Variants in ZNF280D observed in about 807,000 individuals in gnomAD.
The protein encoded by ZNF280D is suppressor of hairy wing homolog 4.
Under a neutral mutation model 94.7 loss-of-function variants are expected in ZNF280D, and 39 were observed. That is an observed-to-expected ratio of 0.41 (90% CI 0.32 to 0.54). The LOEUF (loss-of-function observed/expected upper bound fraction) is 0.54. ZNF280D is among the 20% of genes least tolerant of loss of function. The pLI is 0.22. For synonymous variants in ZNF280D, 398 were observed against 377.6 expected, an observed-to-expected ratio of 1.05 and a Z score of -0.63; for missense variants, 1,090 against 1,149.3, an observed-to-expected ratio of 0.95 and a Z score of 0.75.
chr15:56,716,546 T>C (rs1300617845), intron 1 of ZNF280D, among the ~76,000 whole-genome samples: 1 of 144,280 alleles, frequency 6.9e-6, no homozygotes, highest in Non-Finnish European at 1.5e-5. Context: ...TGGGAAGAGA[T>C]AAGACATAGA....
At chr15:56,733,360 C>A in intron 1 of ZNF280D, 98 bp downstream of exon 1, 2 of 717,810 alleles carry the variant, frequency 2.8e-6, no homozygotes, top group Non-Finnish European at 3.4e-6. Context: ...GGCCTCAAGA[C>A]CCCCAGTCCA....
intron 21 of ZNF280D, among the ~76,000 whole-genome samples, chr15:56,633,476 A>C (rs1448487379): frequency 6.6e-6 from 1 of 152,044 alleles, no homozygotes; most frequent in Non-Finnish European, 1.5e-5. Flanking sequence ...AAATATAAAA[A>C]ATCTAATATC....
chr15:56,656,153 T>G (rs1479315327), intron 17 of ZNF280D, among the ~76,000 whole-genome samples: 1 of 152,224 alleles, frequency 6.6e-6, no homozygotes, highest in East Asian at 1.9e-4. Flanking sequence ...AACTGTACTG[T>G]ACATTCCCTG....
chr15:56,667,980 A>C (rs2054409744), intron 14 of ZNF280D: 1 of 198,594 alleles, frequency 5.0e-6, no homozygotes, highest in African/African-American at 2.4e-5. Context: ...AAAATGAGAG[A>C]GGACTGCACT....
At chr15:56,733,032 G>C (rs1173189636) in intron 1 of ZNF280D, 1 of 152,448 alleles carries the variant, frequency 6.6e-6, no homozygotes, top group African/African-American at 2.4e-5. Context: ...CGACTGAAGA[G>C]ACACGGGGGT....
chr15:56,647,870 A>G lies in ZNF280D; in HGVS notation c.2214-4873T>C, dbSNP rs113834350. ...CTCTTCATATAACTTCAAAATCAACATCCAGAGAATGACTCCTCCATTTTT... is the reference window on the plus strand; with the variant it reads ...CTCTTCATATAACTTCAAAATCAACGTCCAGAGAATGACTCCTCCATTTTT... On this transcript the variant is annotated intron_variant, in intron 19 of 21. Transcript: ENST00000267807. Among the ~76,000 whole-genome samples the G allele has an allele frequency of 1.2e-3, 183 of 152,252 alleles. 5 individuals are homozygous for G. The highest frequency in any genetic ancestry group is 4.3e-3 in the African/African-American group (177 of 41,560).
rs1455299605 is a variant in ZNF280D, at chr15:56,721,184, G to A, written c.-86+12274C>T. ...TCACCATGTTAGCCAGGCTGGTCTC[G>A]AACTCCTGGCTCCTGACATCAAGTG... is the stretch of plus-strand genomic sequence containing the variant. On this transcript the variant is annotated intron_variant, in intron 1 of 21. Transcript: ENST00000267807. Among the ~76,000 whole-genome samples the A allele has an allele frequency of 3.9e-5, 6 of 151,996 alleles. No individual in the cohort carries two copies. In the East Asian group the frequency reaches 9.6e-4, roughly 24 times the overall value.
chr15:56,660,231 TAA>T (rs1327310742), intron 16 of ZNF280D, among the ~76,000 whole-genome samples: 1 of 152,168 alleles, frequency 6.6e-6, no homozygotes, highest in East Asian at 1.9e-4. Flanking sequence ...TGAACCAAAA[TAA>T]GTTATTTTTA....
intron 9 of ZNF280D, among the ~76,000 whole-genome samples, chr15:56,684,891 G>A (rs1362639223): frequency 6.6e-6 from 1 of 151,662 alleles, no homozygotes; most frequent in East Asian, 1.9e-4. Context: ...TGCCAGAGAG[G>A]ACTCACCCAA....
chr15:56,669,565 T>G (rs1222933444), intron 13 of ZNF280D, among the ~76,000 whole-genome samples: 1 of 151,414 alleles, frequency 6.6e-6, no homozygotes, highest in African/African-American at 2.4e-5. Context: ...AACTACATTT[T>G]TAATACTGTT....
At chr15:56,693,038 C>T (rs957701754) in intron 7 of ZNF280D, 60 bp downstream of exon 7, 71 of 966,470 alleles carry the variant, frequency 7.3e-5, no homozygotes, top group Non-Finnish European at 1.0e-4. Flanking sequence ...AAGTCAATCT[C>T]ATATGCATAT....
chr15:56,658,117 T>G, intron 17 of ZNF280D, among the ~76,000 whole-genome samples: 1 of 152,164 alleles, frequency 6.6e-6, no homozygotes, highest in East Asian at 1.9e-4. Flanking sequence ...GTATCATTTT[T>G]TATATGAAAT....
chr15:56,666,034 G>A (rs1053118060), intron 16 of ZNF280D, among the ~76,000 whole-genome samples: 18 of 152,044 alleles, frequency 1.2e-4, no homozygotes, highest in Non-Finnish European at 2.2e-4. Context: ...TACTCAGGAG[G>A]CGAAGGCAGG....
At chr15:56,714,748 G>C (rs1328372705) in intron 1 of ZNF280D, among the ~76,000 whole-genome samples, 3 of 152,156 alleles carry the variant, frequency 2.0e-5, no homozygotes, top group Admixed American at 6.6e-5. Context: ...GATAAATCCA[G>C]ATGGATTCCT....
rs1437182440 is a variant in ZNF280D, at chr15:56,707,101, G to C, written c.9C>G (p.Asp3Glu). Residue 3 changes from aspartate (D) to glutamate (E), a missense_variant, in exon 3 of 22, where the codon GAC (aspartate) becomes GAG (glutamate). Asp to Glu is a conservative substitution (Grantham distance 45). Coordinates refer to ENST00000267807, the MANE Select transcript of ZNF280D (RefSeq NM_017661.4). Reference sequence around the variant, plus strand: ...ACTTACTTTTTGGTTGAAAAGGGTTGTCGCCCATCAAGCTGCAGAGATGAC... The same window carrying C: ...ACTTACTTTTTGGTTGAAAAGGGTTCTCGCCCATCAAGCTGCAGAGATGAC... Reference protein sequence around the residue: MGDNPFQPKSNSK... With the variant: MGENPFQPKSNSK... The C allele has an allele frequency of 2.5e-6, 4 of 1,613,830 alleles. No homozygotes were observed. Among genetic ancestry groups the C allele is most frequent in the Non-Finnish European group, 3.4e-6 (4 of 1,179,936 alleles).
rs562696175 is a variant in ZNF280D, at chr15:56,684,774, A to C, written c.781-2297T>G. Among the ~76,000 whole-genome samples, 7 of 152,332 alleles carry C rather than the reference A, an allele frequency of 4.6e-5. No individual in the cohort carries two copies. The East Asian group carries it at 1.3e-3, about 29-fold the overall frequency. ...AAGACATATGTCAGGGAAAGAAGAT[A>C]AAACAAATTCATATTGGAGATGAAA... is the stretch of plus-strand genomic sequence containing the variant. On this transcript the variant is annotated intron_variant, in intron 9 of 21. Transcript: ENST00000267807.
intron 17 of ZNF280D, chr15:56,654,935 G>C (rs979603208): frequency 2.2e-5 from 8 of 365,404 alleles, no homozygotes; most frequent in Non-Finnish European, 4.5e-5. Context: ...ATATAATGGT[G>C]AACAAGAAAT....
intron 14 of ZNF280D, among the ~76,000 whole-genome samples, chr15:56,667,447 C>T (rs542401222): frequency 6.6e-6 from 1 of 152,110 alleles, no homozygotes; most frequent in South Asian, 2.1e-4. Context: ...GGGCTCAGTG[C>T]CCAAGATTTA....
At chr15:56,639,817 G>C (rs1360949094) in intron 20 of ZNF280D, among the ~76,000 whole-genome samples, 1 of 152,084 alleles carries the variant, frequency 6.6e-6, no homozygotes, top group Non-Finnish European at 1.5e-5. Flanking sequence ...AATAATTCAT[G>C]GTTCAGCAAA....
Sources: gnomAD v4.1 joint callset for allele counts (sites outside exome capture counted in the v4.1 genomes callset) on GRCh38, gnomAD v4.1.1 for gene constraint, MANE v1.5 for transcripts, NCBI Gene and HGNC (gene_info 2026-07-23, HGNC 2026-07-21) for gene names.